The following VAV2 variants were observed in gnomAD, a reference collection of about 807,000 sequenced individuals.
The protein encoded by VAV2 is guanine nucleotide exchange factor VAV2.
In VAV2, 67 loss-of-function variants were observed where a neutral mutation model predicts 132.5. That is an observed-to-expected ratio of 0.51 (90% CI 0.42 to 0.62). The LOEUF is 0.62. VAV2 is among the 20% of genes least tolerant of loss of function. The pLI is 0.00. For synonymous variants in VAV2, 492 were observed against 443.5 expected (o/e 1.11, Z -1.37); for missense variants, 938 against 1,153.6 (o/e 0.81, Z 2.71).
At chr9:133,806,637 AG>A (rs1226632366) in intron 8 of VAV2, among the ~76,000 whole-genome samples, 1 of 152,166 alleles carries the variant, frequency 6.6e-6, no homozygotes, top group Non-Finnish European at 1.5e-5. Context: ...GACTATAGGA[AG>A]CTCTGGGGTC....
rs999879227 is a variant in VAV2, at chr9:133,948,785, G to A, written c.205-9566C>T. ...CCTGGCGCAGCACGAAGCCCTTGAC[G>A]TTCCTCTCTGCTTCATCCTGCTAAC... On this transcript the variant is annotated intron_variant, in intron 1 of 29. Transcript: ENST00000371850. Among the ~76,000 whole-genome samples, 9 of 152,324 alleles carry A rather than the reference G, an allele frequency of 5.9e-5. No individual in the cohort carries two copies. The South Asian group carries it at 6.2e-4, about 11-fold the overall frequency.
intron 1 of VAV2, among the ~76,000 whole-genome samples, chr9:133,982,443 C>T (rs1842726667): frequency 1.6e-5 from 2 of 125,730 alleles, no homozygotes; most frequent in Non-Finnish European, 3.7e-5. Flanking sequence ...TAGGACGGGG[C>T]ATGGCAGACT....
At chr9:133,910,199 G>A (rs1839828202) in intron 2 of VAV2, among the ~76,000 whole-genome samples, 1 of 152,194 alleles carries the variant, frequency 6.6e-6, no homozygotes, top group Non-Finnish European at 1.5e-5. Context: ...GATGGAAGAG[G>A]TAGAACAAGA....
At chr9:133,764,171 T>A in intron 29 of VAV2, 62 bp from the exon 30 acceptor site, 1 of 1,609,236 alleles carries the variant, frequency 6.2e-7, no homozygotes, top group Non-Finnish European at 8.5e-7. Context: ...GGTGTGTGCA[T>A]GTCTATGTTG....
chr9:133,831,469 T>C (rs1364987598), intron 4 of VAV2, among the ~76,000 whole-genome samples: 1 of 149,208 alleles, frequency 6.7e-6, no homozygotes, highest in African/African-American at 2.5e-5. Context: ...AAAAAGAAAA[T>C]GGGCAACCTG....
At chr9:133,982,122 T>C (rs1187186432) in intron 1 of VAV2, among the ~76,000 whole-genome samples, 1 of 152,150 alleles carries the variant, frequency 6.6e-6, no homozygotes, top group Non-Finnish European at 1.5e-5. Flanking sequence ...GACAGGCCTC[T>C]AAGCAGATGG....
intron 10 of VAV2, among the ~76,000 whole-genome samples, chr9:133,797,101 A>G (rs1216847556): frequency 6.6e-6 from 1 of 152,186 alleles, no homozygotes; most frequent in East Asian, 1.9e-4. Context: ...CGCAGAAACC[A>G]GGGTGTACTA....
At chr9:133,924,995 T>C (rs1460763765) in intron 2 of VAV2, among the ~76,000 whole-genome samples, 8 of 152,340 alleles carry the variant, frequency 5.3e-5, no homozygotes, top group Non-Finnish European at 4.4e-5. Context: ...ATTCCACTTA[T>C]ATGAAATGTC....
intron 3 of VAV2, among the ~76,000 whole-genome samples, chr9:133,855,629 C>T (rs1158148087): frequency 2.0e-5 from 3 of 152,180 alleles, no homozygotes; most frequent in African/African-American, 7.2e-5. Flanking sequence ...ATAAAGCCTG[C>T]CACCCGCCAC....
chr9:133,766,759 A>ATATATATATATAT (rs1833447141), intron 29 of VAV2, among the ~76,000 whole-genome samples: 34 of 112,110 alleles, frequency 3.0e-4, no homozygotes, highest in Admixed American at 1.1e-3. Flanking sequence ...AGTATAAATA[A>ATATATATATATAT]ATATATATAT....
chr9:133,811,513 G>A (rs1267126887), intron 5 of VAV2, among the ~76,000 whole-genome samples: 4 of 152,246 alleles, frequency 2.6e-5, no homozygotes, highest in African/African-American at 9.6e-5. Flanking sequence ...CCAGGTCCCT[G>A]TCTCCTCATT....
In VAV2 at chr9:133,834,408, G is replaced by A. The variant is rs1259034716; in HGVS notation, c.381-68C>T. On this transcript the variant is annotated intron_variant, in intron 3 of 29. Transcript: ENST00000371850. The surrounding 1 kb of genome is among the most constrained non-coding windows in gnomAD (Gnocchi z 5.9). ...CTGCCGGCCAGTGGGACCCCAGCTGGACCCCACAGCAGAGCCCAGTGTGGC... is the reference window on the plus strand; with the variant it reads ...CTGCCGGCCAGTGGGACCCCAGCTGAACCCCACAGCAGAGCCCAGTGTGGC... 6.5e-7 allele frequency: 1 copy of A among 1,539,656 alleles called. No individual in the cohort carries two copies.
intron 3 of VAV2, among the ~76,000 whole-genome samples, chr9:133,860,279 G>A (rs1261487359): frequency 6.6e-6 from 1 of 151,230 alleles, no homozygotes; most frequent in East Asian, 1.9e-4. Flanking sequence ...TCCAGCCTGA[G>A]TGACAGAGTG....
intron 1 of VAV2, among the ~76,000 whole-genome samples, chr9:133,985,933 C>T (rs1026227485): frequency 7.3e-5 from 11 of 149,840 alleles, no homozygotes; most frequent in Admixed American, 1.3e-4. Context: ...CAGCAAGGGA[C>T]AGAATGAGGG....
intron 19 of VAV2, among the ~76,000 whole-genome samples, chr9:133,781,491 T>TGG (rs144081579): frequency 2.0e-5 from 3 of 151,068 alleles, no homozygotes; most frequent in Admixed American, 6.6e-5. Flanking sequence ...GGGTCAGGGG[T>TGG]GGGGGGCAGC....
intron 13 of VAV2, among the ~76,000 whole-genome samples, chr9:133,791,518 C>CCCCTGTCCCCTCCCCT (rs1237394465): frequency 3.9e-5 from 6 of 152,016 alleles, no homozygotes; most frequent in African/African-American, 1.5e-4. Flanking sequence ...TACAGTCCCT[C>CCCCTGTCCCCTCCCCT]CCCTGTCCCC....
intron 13 of VAV2, among the ~76,000 whole-genome samples, chr9:133,790,582 C>T (rs995071832): frequency 2.6e-5 from 4 of 152,194 alleles, no homozygotes; most frequent in Non-Finnish European, 4.4e-5. Flanking sequence ...CATTTGTGAC[C>T]GCCTCGCGCA....
chr9:133,927,296 C>T (rs1331073170), intron 2 of VAV2, among the ~76,000 whole-genome samples: 1 of 152,190 alleles, frequency 6.6e-6, no homozygotes, highest in Non-Finnish European at 1.5e-5. Flanking sequence ...CGGGACCCTT[C>T]TCAGCTGAGC....
chr9:133,930,571 C>T (rs1219981208), intron 2 of VAV2, among the ~76,000 whole-genome samples: 1 of 152,256 alleles, frequency 6.6e-6, no homozygotes, highest in East Asian at 1.9e-4. Context: ...GGGAAGAGGG[C>T]ACAGCCGAGC....
Sources: gnomAD v4.1 joint callset for allele counts (sites outside exome capture counted in the v4.1 genomes callset) on GRCh38, gnomAD v4.1.1 for gene constraint, Gnocchi (gnomAD v3.1) non-coding constraint, MANE v1.5 for transcripts, NCBI Gene and HGNC (gene_info 2026-07-23, HGNC 2026-07-21) for gene names.